Variants in PNPT1 observed in about 807,000 individuals in gnomAD.
PNPT1 encodes polyribonucleotide nucleotidyltransferase 1, also known as polyribonucleotide nucleotidyltransferase 1, mitochondrial.
In PNPT1, 53 loss-of-function variants were observed where a neutral mutation model predicts 119.5. The observed-to-expected ratio is 0.44, with a 90% CI of 0.36 to 0.56. PNPT1 has a LOEUF of 0.56. Ranked by LOEUF, PNPT1 falls within the 20% of genes least tolerant of loss-of-function variation. PNPT1 has a pLI of 0.00. For missense variants in PNPT1, 948 were observed against 938.5 expected (o/e 1.01, Z -0.13); for synonymous variants, 357 against 322.1 (o/e 1.11, Z -1.16).
rs113800715 is a variant in PNPT1, at chr2:55,635,337, G to A, written c.*900C>T. 3.2e-4 allele frequency: 48 copies of A among 150,142 alleles called. No individual in the cohort carries two copies. The highest frequency in any genetic ancestry group is 8.8e-4 in the African/African-American group (36 of 40,804). 9.3% of individuals were successfully genotyped at this position (150,142 alleles called of 1,614,324 possible). ...ACAATTTTTTTTTTTTTTTTGAGAC[G>A]GAGTTTTGCTCTTGTTGCCTGAGCT... On this transcript the variant is annotated 3_prime_UTR_variant, in exon 28 of 28. Transcript: ENST00000447944.
chr2:55,657,861 A>G (rs1218995401), intron 15 of PNPT1, among the ~76,000 whole-genome samples: 1 of 37,678 alleles, frequency 2.7e-5, no homozygotes, highest in Admixed American at 2.3e-4. Context: ...GACTGCAAAA[A>G]AAAAAAAAAA....
intron 1 of PNPT1, 68 bp from the exon 2 acceptor site, chr2:55,687,773 A>G: frequency 8.1e-7 from 1 of 1,230,752 alleles, no homozygotes; most frequent in African/African-American, 1.5e-5. Context: ...TTAGTATAAA[A>G]TAATAAAAGA....
chr2:55,678,910 G>A (rs1292331286), intron 8 of PNPT1, among the ~76,000 whole-genome samples: 1 of 152,180 alleles, frequency 6.6e-6, no homozygotes, highest in Non-Finnish European at 1.5e-5. Flanking sequence ...AGCAGTAAAA[G>A]TTGAATAGTT....
chr2:55,672,057 A>T lies in PNPT1; in HGVS notation c.867-11T>A. 2 of 1,578,174 alleles carry T rather than the reference A, an allele frequency of 1.3e-6. No individual in the cohort carries two copies. Among genetic ancestry groups the T allele is most frequent in the Non-Finnish European group, 1.7e-6 (2 of 1,160,408 alleles). On this transcript the variant is annotated splice_polypyrimidine_tract_variant and intron_variant, in intron 9 of 27. Transcript: ENST00000447944. ...CTCTCCATAGCAAGTCTATTTAAGC[A>T]GAAAATAAATGTTAGCATAATAATA...
intron 5 of PNPT1, among the ~76,000 whole-genome samples, chr2:55,681,457 T>C (rs1350976662): frequency 6.6e-6 from 1 of 152,086 alleles, no homozygotes; most frequent in Non-Finnish European, 1.5e-5. Context: ...AAAGGGTTCC[T>C]ATGAGAATCA....
rs1696390651 is a variant in PNPT1 at position 55,656,427 on chromosome 2, A to C, written c.1285-56T>G. ...TACAATTGACATAGAAAGATGTCCA[A>C]GTTATATTACCAAAATAATAAAACA... On this transcript the variant is annotated intron_variant, in intron 15 of 27. Coordinates refer to ENST00000447944, the MANE Select transcript of PNPT1 (RefSeq NM_033109.5). The C allele has an allele frequency of 3.4e-6, 5 of 1,451,046 alleles. No individual in the cohort carries two copies. The Admixed American group carries it at 1.1e-4, about 32-fold the overall frequency. 89.9% of individuals were successfully genotyped at this position (1,451,046 alleles called of 1,614,324 possible). A position where few individuals can be genotyped will look rare whatever the true frequency, so the allele number is the denominator to read the frequency against.
intron 15 of PNPT1, among the ~76,000 whole-genome samples, chr2:55,659,257 C>A (rs1696487876): frequency 1.3e-5 from 2 of 152,208 alleles, no homozygotes; most frequent in South Asian, 4.1e-4. Context: ...GCCCTGCTCT[C>A]CATGTACATT....
rs1437401705 is a variant in PNPT1, at chr2:55,643,182, T to C, written c.2045A>G (p.Tyr682Cys). The C allele has an allele frequency of 6.2e-7, 1 of 1,614,110 alleles. No homozygotes were observed. Among genetic ancestry groups the C allele is most frequent in the African/African-American group, 1.3e-5 (1 of 75,048 alleles). ...CCTGATTTCAGTTATTGTGGCGGTA[T>C]ATACTGCTCCAAATTCTAATTGCTG... ...QEQQLEFGAV[Y>C]TATITEIRDT... The change falls in exon 25 of 28, where the codon TAT becomes TGT. Residue 682 changes from tyrosine to cysteine, a missense_variant. Coordinates refer to ENST00000447944, the MANE Select transcript of PNPT1 (RefSeq NM_033109.5).
intron 15 of PNPT1, among the ~76,000 whole-genome samples, chr2:55,659,642 T>C (rs1696499903): frequency 6.6e-6 from 1 of 152,054 alleles, no homozygotes; most frequent in South Asian, 2.1e-4. Flanking sequence ...TTATCTCTTA[T>C]CTCTCTAAAG....
chr2:55,674,959 C>T (rs1165860339), intron 8 of PNPT1, among the ~76,000 whole-genome samples: 1 of 152,190 alleles, frequency 6.6e-6, no homozygotes, highest in Non-Finnish European at 1.5e-5. Context: ...CAATAAATTG[C>T]TTTTAAAAAT....
intron 27 of PNPT1, 31 bp from the exon 28 acceptor site, chr2:55,636,423 G>C (rs1695676251): frequency 6.2e-7 from 1 of 1,607,532 alleles, no homozygotes; most frequent in African/African-American, 1.3e-5. Flanking sequence ...TTCCTTTAAA[G>C]TTACAGCACA....
intron 1 of PNPT1, among the ~76,000 whole-genome samples, chr2:55,688,967 G>C (rs547405715): frequency 6.6e-6 from 1 of 152,186 alleles, no homozygotes; most frequent in East Asian, 1.9e-4. Context: ...ATGGATCCTA[G>C]ACCCAAACGT....
chr2:55,683,818 C>T lies in PNPT1; in HGVS notation c.420G>A (p.Pro140=), dbSNP rs1283394429. 1.3e-5 allele frequency: 21 copies of T among 1,612,978 alleles called. No homozygotes were observed. The highest frequency in any genetic ancestry group is 5.5e-5 in the South Asian group (5 of 91,004). ...CATAGAAGTAGCCAGCTGGAAAGAG[C>T]GGTCTAATTGAACGATCTGCCAAAA... ...TSRIIDRSIR[P]LFPAGYFYDT... The change falls in exon 5 of 28, where the codon CCG becomes CCA. Residue 140 remains proline, a synonymous_variant. Transcript: ENST00000447944.
chr2:55,691,868 A>T (rs368341898), intron 1 of PNPT1, among the ~76,000 whole-genome samples: 6 of 42,174 alleles, frequency 1.4e-4, no homozygotes, highest in Non-Finnish European at 3.4e-4. Context: ...ATATATATAT[A>T]TATATATATA....
intron 8 of PNPT1, among the ~76,000 whole-genome samples, chr2:55,676,262 C>CAAAAAA (rs11400030): frequency 1.5e-3 from 120 of 82,676 alleles, no homozygotes; most frequent in African/African-American, 2.4e-3. Flanking sequence ...CCATCTCAAC[C>CAAAAAA]AAAAAAAAAA....
At chr2:55,638,397 C>G (rs992156831) in intron 26 of PNPT1, among the ~76,000 whole-genome samples, 6 of 152,084 alleles carry the variant, frequency 3.9e-5, no homozygotes, top group Middle Eastern at 3.4e-3. Flanking sequence ...TACAGTGGCT[C>G]ACACCTGTAG....
chr2:55,657,582 C>T (rs1022975550), intron 15 of PNPT1, among the ~76,000 whole-genome samples: 7 of 151,446 alleles, frequency 4.6e-5, no homozygotes, highest in African/African-American at 1.7e-4. Context: ...GACAGAGTTT[C>T]ACCATGTTGG....
intron 23 of PNPT1, among the ~76,000 whole-genome samples, chr2:55,643,902 G>A (rs1480292420): frequency 1.3e-5 from 2 of 152,156 alleles, no homozygotes; most frequent in Non-Finnish European, 2.9e-5. Flanking sequence ...CTGCATACTT[G>A]CTAGGTACCT....
rs1696008694 is a variant in PNPT1, at chr2:55,646,474, A to G, written c.1615T>C (p.Tyr539His). The G allele has an allele frequency of 1.2e-6, 2 of 1,611,422 alleles. No homozygotes were observed. Among genetic ancestry groups the G allele is most frequent in the Non-Finnish European group, 1.7e-6 (2 of 1,178,950 alleles). The change falls in exon 20 of 28, where the codon TAC (tyrosine) becomes CAC (histidine). Residue 539 changes from tyrosine (Y) to histidine (H), a missense_variant. Physicochemically the swap from Tyr to His is moderately conservative, Grantham distance 83 (BLOSUM62 2). Coordinates refer to ENST00000447944, the MANE Select transcript of PNPT1 (RefSeq NM_033109.5). ...ATTTTGAAGTCCATGTCACCATTGT[A>G]ATCTTCAATTCCCTTCAGGAATTTA... ...LLTDILGIED[Y>H]NGDMDFKIAG... is the part of the protein sequence containing the mutation.
Sources: allele counts gnomAD v4.1 joint callset (sites outside exome capture counted in the v4.1 genomes callset), GRCh38; gene constraint gnomAD v4.1.1; transcripts MANE v1.5; gene names NCBI Gene and HGNC (gene_info 2026-07-23, HGNC 2026-07-21).